Variants in FSD1L observed in about 807,000 individuals in gnomAD.
The protein encoded by FSD1L is FSD1-like protein.
In FSD1L, 45 loss-of-function variants were observed where a neutral mutation model predicts 71.6. That is an observed-to-expected ratio of 0.63 (90% CI 0.49 to 0.81). FSD1L has a LOEUF of 0.81. FSD1L is among the 30% of genes least tolerant of loss of function. The pLI is 0.00. For missense variants in FSD1L, 561 were observed against 618.1 expected (o/e 0.91, Z 0.98); for synonymous variants, 197 against 207.2 (o/e 0.95, Z 0.42).
chr9:105,478,313 G>A (rs1006801500), intron 5 of FSD1L, among the ~76,000 whole-genome samples: 2 of 152,160 alleles, frequency 1.3e-5, no homozygotes, highest in Non-Finnish European at 2.9e-5. Flanking sequence ...TTTTAGGGTG[G>A]ATATAAAAAT....
At chr9:105,456,305 TCTC>T (rs1303260783) in intron 1 of FSD1L, among the ~76,000 whole-genome samples, 1 of 152,168 alleles carries the variant, frequency 6.6e-6, no homozygotes, top group Non-Finnish European at 1.5e-5. Context: ...CTGCTTAACT[TCTC>T]CATGCGTCAG....
At chr9:105,484,526 AG>A in intron 7 of FSD1L, 24 bp downstream of exon 7, 1 of 1,417,830 alleles carries the variant, frequency 7.1e-7, no homozygotes, top group Non-Finnish European at 9.2e-7. Flanking sequence ...TTACATGTAA[AG>A]TTTTGTATAA....
intron 7 of FSD1L, among the ~76,000 whole-genome samples, chr9:105,498,978 G>C (rs1037734912): frequency 6.6e-6 from 1 of 152,118 alleles, no homozygotes; most frequent in African/African-American, 2.4e-5. Flanking sequence ...ATCTTTTTCT[G>C]TTAAGTGATT....
chr9:105,471,555 T>C (rs1005281523), intron 4 of FSD1L, among the ~76,000 whole-genome samples: 1 of 152,106 alleles, frequency 6.6e-6, no homozygotes, highest in African/African-American at 2.4e-5. Flanking sequence ...ATTGCTAGTT[T>C]TTAATTAATG....
chr9:105,456,059 A>G (rs757157033), intron 1 of FSD1L, among the ~76,000 whole-genome samples: 3 of 152,244 alleles, frequency 2.0e-5, no homozygotes, highest in Non-Finnish European at 4.4e-5. Context: ...ATTTGGGGTT[A>G]TAACCTGTTG....
At chr9:105,543,984 T>A (rs534065671) in intron 13 of FSD1L, among the ~76,000 whole-genome samples, 39 of 152,338 alleles carry the variant, frequency 2.6e-4, no homozygotes, top group African/African-American at 8.7e-4. Context: ...TATTTCTAGT[T>A]CTAGATCCCT....
chr9:105,536,837 A>G (rs1836299066), intron 12 of FSD1L, among the ~76,000 whole-genome samples: 2 of 152,172 alleles, frequency 1.3e-5, no homozygotes, highest in South Asian at 4.1e-4. Context: ...GGGTTTCACC[A>G]TGCTGGCCAG....
chr9:105,497,703 C>T (rs923212013), intron 7 of FSD1L, among the ~76,000 whole-genome samples: 11 of 151,782 alleles, frequency 7.2e-5, no homozygotes, highest in African/African-American at 2.7e-4. Flanking sequence ...TGTTGATGCC[C>T]CCTCTTTCAT....
At chr9:105,510,524 A>G (rs1255676925) in intron 9 of FSD1L, among the ~76,000 whole-genome samples, 1 of 152,198 alleles carries the variant, frequency 6.6e-6, no homozygotes, top group Non-Finnish European at 1.5e-5. Context: ...TGGACAAAAA[A>G]CTGGAGAGAA....
intron 7 of FSD1L, among the ~76,000 whole-genome samples, chr9:105,488,310 T>C (rs1347630383): frequency 6.6e-6 from 1 of 152,202 alleles, no homozygotes; most frequent in Non-Finnish European, 1.5e-5. Context: ...TTCTTTTACT[T>C]AGTAATATGC....
chr9:105,517,878 G>C (rs575079869), intron 10 of FSD1L, among the ~76,000 whole-genome samples: 1 of 152,300 alleles, frequency 6.6e-6, no homozygotes, highest in African/African-American at 2.4e-5. Flanking sequence ...ACTGGATAAA[G>C]AGTCAAGACC....
intron 7 of FSD1L, among the ~76,000 whole-genome samples, chr9:105,495,969 TAAAAA>T (rs753244834): frequency 7.4e-6 from 1 of 135,042 alleles, no homozygotes; most frequent in African/African-American, 2.8e-5. Flanking sequence ...AGACTCCATC[TAAAAA>T]AAAAAAAAAA....
At chr9:105,539,379 C>A (rs768084213) in intron 13 of FSD1L, 28 bp downstream of exon 13, 18 of 991,888 alleles carry the variant, frequency 1.8e-5, no homozygotes, top group Non-Finnish European at 2.6e-5. Flanking sequence ...CTTATATATA[C>A]CTAACATATT....
intron 5 of FSD1L, among the ~76,000 whole-genome samples, chr9:105,476,952 G>GAGTTTTC (rs1308338601): frequency 1.3e-5 from 2 of 152,096 alleles, no homozygotes; most frequent in Non-Finnish European, 2.9e-5. Flanking sequence ...GGAGCCATGG[G>GAGTTTTC]AGTTTTCAGT....
chr9:105,533,980 C>T (rs970743969), intron 10 of FSD1L, among the ~76,000 whole-genome samples: 1 of 152,174 alleles, frequency 6.6e-6, no homozygotes, highest in African/African-American at 2.4e-5. Flanking sequence ...GCCTTGGCGC[C>T]TCCCAAAGTG....
intron 1 of FSD1L, among the ~76,000 whole-genome samples, chr9:105,452,179 ATG>A (rs1368222098): frequency 6.6e-6 from 1 of 152,172 alleles, no homozygotes; most frequent in Non-Finnish European, 1.5e-5. Flanking sequence ...GCTCCAAGCT[ATG>A]TGCTATTCTT....
intron 7 of FSD1L, among the ~76,000 whole-genome samples, chr9:105,502,348 TTTGA>T (rs1476521953): frequency 3.9e-5 from 6 of 152,334 alleles, no homozygotes; most frequent in Non-Finnish European, 7.4e-5. Flanking sequence ...GGAAGAAAAC[TTTGA>T]TTGTTGCCTT....
At chr9:105,495,336 T>G (rs186807741) in intron 7 of FSD1L, among the ~76,000 whole-genome samples, 1 of 152,268 alleles carries the variant, frequency 6.6e-6, no homozygotes, top group African/African-American at 2.4e-5. Flanking sequence ...GGTGCGCTGT[T>G]TTTAAAGCCC....
At chr9:105,492,939 A>T (rs1833060215) in intron 7 of FSD1L, among the ~76,000 whole-genome samples, 1 of 152,126 alleles carries the variant, frequency 6.6e-6, no homozygotes, top group Non-Finnish European at 1.5e-5. Flanking sequence ...CAATTTTGGA[A>T]TAGGTGTGGT....
Sources: gnomAD v4.1 joint callset for allele counts (sites outside exome capture counted in the v4.1 genomes callset) on GRCh38, gnomAD v4.1.1 for gene constraint, MANE v1.5 for transcripts, NCBI Gene and HGNC (gene_info 2026-07-23, HGNC 2026-07-21) for gene names.